The following TRPM3 variants were observed in gnomAD, a reference collection of about 807,000 sequenced individuals.
The protein encoded by TRPM3 is transient receptor potential cation channel subfamily M member 3.
TRPM3 carries 77 observed loss-of-function variants against 181.2 expected under a neutral mutation model. The observed-to-expected ratio is 0.42, with a 90% CI of 0.35 to 0.51. TRPM3 has a LOEUF of 0.51. TRPM3 is among the 20% of genes least tolerant of loss of function. TRPM3 has a pLI of 0.01. For missense variants in TRPM3, 1,759 were observed against 2,196.7 expected (o/e 0.80, Z 3.98); for synonymous variants, 745 against 796.4 (o/e 0.94, Z 1.09).
At chr9:70,579,794 A>T (rs575367487) in intron 22 of TRPM3, among the ~76,000 whole-genome samples, 86 of 152,308 alleles carry the variant, frequency 5.6e-4, no homozygotes, top group Non-Finnish European at 1.1e-3. Flanking sequence ...AGGACCCTTG[A>T]CAAAACTGCC....
chr9:70,935,422 G>A (rs1043048137), intron 1 of TRPM3, among the ~76,000 whole-genome samples: 1 of 152,114 alleles, frequency 6.6e-6, no homozygotes, highest in East Asian at 1.9e-4. Context: ...GAATGCTTGG[G>A]GATATTGTAA....
chr9:70,931,297 T>G (rs1351094587), intron 1 of TRPM3, among the ~76,000 whole-genome samples: 1 of 152,150 alleles, frequency 6.6e-6, no homozygotes, highest in African/African-American at 2.4e-5. Context: ...TTGAAAAACT[T>G]TTATTTTCTG....
intron 1 of TRPM3, among the ~76,000 whole-genome samples, chr9:71,053,710 C>T (rs139797431): frequency 9.9e-5 from 15 of 152,188 alleles, no homozygotes; most frequent in African/African-American, 2.6e-4. Flanking sequence ...TGCTTCTTTC[C>T]GGTTCCTGGT....
At chr9:70,977,813 G>GTA (rs2097321465) in intron 1 of TRPM3, among the ~76,000 whole-genome samples, 1 of 152,220 alleles carries the variant, frequency 6.6e-6, no homozygotes, top group Non-Finnish European at 1.5e-5. Flanking sequence ...TGGAAGTGAT[G>GTA]TATAGGGCAA....
At chr9:70,649,352 C>A (rs925053615) in intron 9 of TRPM3, among the ~76,000 whole-genome samples, 3 of 152,066 alleles carry the variant, frequency 2.0e-5, no homozygotes, top group African/African-American at 7.2e-5. Flanking sequence ...CCATGCCTGG[C>A]TAATTTTTGT....
intron 22 of TRPM3, among the ~76,000 whole-genome samples, chr9:70,582,504 A>G (rs2056129871): frequency 6.6e-6 from 1 of 152,234 alleles, no homozygotes; most frequent in Non-Finnish European, 1.5e-5. Flanking sequence ...GTGAACAAGA[A>G]AGATGTGGGT....
intron 1 of TRPM3, among the ~76,000 whole-genome samples, chr9:70,915,471 T>A (rs1051101880): frequency 5.3e-5 from 8 of 150,652 alleles, no homozygotes; most frequent in Admixed American, 2.6e-4. Context: ...CTAATTTTTT[T>A]TTTTTTTTTA....
At chr9:71,082,699 C>G (rs1349669918) in intron 1 of TRPM3, among the ~76,000 whole-genome samples, 1 of 152,050 alleles carries the variant, frequency 6.6e-6, no homozygotes, top group African/African-American at 2.4e-5. Flanking sequence ...TATATCCTGT[C>G]AAATCAAGGT....
chr9:70,701,359 G>A (rs954602963), intron 8 of TRPM3, among the ~76,000 whole-genome samples: 1 of 152,128 alleles, frequency 6.6e-6, no homozygotes, highest in Admixed American at 6.5e-5. Context: ...ATAGTTTTCT[G>A]TCTCAATGGT....
intron 3 of TRPM3, among the ~76,000 whole-genome samples, chr9:70,859,714 T>C (rs1252070852): frequency 7.5e-6 from 1 of 133,054 alleles, no homozygotes; most frequent in Non-Finnish European, 1.7e-5. Flanking sequence ...GCACTACAAT[T>C]TTCCAGCAGG....
chr9:70,756,317 T>A (rs1226807524), intron 8 of TRPM3, among the ~76,000 whole-genome samples: 1 of 151,812 alleles, frequency 6.6e-6, no homozygotes, highest in African/African-American at 2.4e-5. Context: ...ATGCACCCAA[T>A]ACAGGAGCAC....
chr9:71,342,693 C>G (rs915485200), intron 1 of TRPM3, among the ~76,000 whole-genome samples: 10 of 152,050 alleles, frequency 6.6e-5, no homozygotes, highest in Non-Finnish European at 1.2e-4. Flanking sequence ...ACTATAAGAT[C>G]CAGCAACTAT....
In TRPM3 at chr9:70,610,663, G is replaced by A; in HGVS notation, c.2613C>T (p.Gly871=). 1.2e-6 allele frequency: 2 copies of A among 1,614,152 alleles called. No homozygotes were observed. The highest frequency in any genetic ancestry group is 1.7e-6 in the Non-Finnish European group (2 of 1,180,002). ...VQSKHRLIPL[G]RKIYEFYNAP... is the part of the protein sequence containing the mutation. ...CATTGTAGAATTCATAGATTTTTCT[G>A]CCGAGGGGGATTAACCGGTGCTTGC... The change falls in exon 19 of 26, where the codon GGC becomes GGT. Residue 871 remains glycine (G), a synonymous_variant. Transcript: ENST00000677713.
chr9:71,190,870 C>T (rs1192659039), intron 1 of TRPM3, among the ~76,000 whole-genome samples: 1 of 151,756 alleles, frequency 6.6e-6, no homozygotes, highest in Non-Finnish European at 1.5e-5. Flanking sequence ...ATTCCTAGAC[C>T]AGCAATGAAG....
At chr9:71,273,660 C>A (rs1412923394) in intron 1 of TRPM3, among the ~76,000 whole-genome samples, 1 of 152,190 alleles carries the variant, frequency 6.6e-6, no homozygotes, top group Non-Finnish European at 1.5e-5. Context: ...CTCCCCAAAG[C>A]GCCAATTACA....
chr9:71,288,392 C>T (rs1480546188), intron 1 of TRPM3, among the ~76,000 whole-genome samples: 3 of 152,026 alleles, frequency 2.0e-5, no homozygotes, highest in Non-Finnish European at 4.4e-5. Context: ...TATATATACA[C>T]ATACACATAT....
intron 19 of TRPM3, among the ~76,000 whole-genome samples, chr9:70,607,921 A>G (rs915109531): frequency 6.6e-6 from 1 of 152,218 alleles, no homozygotes; most frequent in African/African-American, 2.4e-5. Context: ...CAGTCAGCCT[A>G]TTGCTAATGG....
chr9:71,143,942 G>T (rs1290927591), intron 1 of TRPM3, among the ~76,000 whole-genome samples: 2 of 152,156 alleles, frequency 1.3e-5, no homozygotes. Context: ...CTAATGATCA[G>T]TGATGTTGAG....
chr9:71,033,614 G>C (rs546876840), intron 1 of TRPM3, among the ~76,000 whole-genome samples: 1 of 152,104 alleles, frequency 6.6e-6, no homozygotes, highest in African/African-American at 2.4e-5. Flanking sequence ...TCACAGTGGC[G>C]ATGGATTAAA....
Sources: allele counts gnomAD v4.1 joint callset (sites outside exome capture counted in the v4.1 genomes callset), GRCh38; gene constraint gnomAD v4.1.1; transcripts MANE v1.5; gene names NCBI Gene and HGNC (gene_info 2026-07-23, HGNC 2026-07-21).